The following PVT1 variants were observed in gnomAD, a reference collection of about 807,000 sequenced individuals.
PVT1 encodes the protein Pvt1 oncogene.
chr8:127,831,043 C>T (rs1018344716), intron 2 of PVT1, among the ~76,000 whole-genome samples: 1 of 101,184 alleles, frequency 9.9e-6, no homozygotes, highest in Non-Finnish European at 2.2e-5. Flanking sequence ...TATATACATA[C>T]GTGTGTGTGT....
chr8:127,821,639 T>C (rs767593902), intron 2 of PVT1, among the ~76,000 whole-genome samples: 1 of 151,914 alleles, frequency 6.6e-6, no homozygotes, highest in Non-Finnish European at 1.5e-5. Flanking sequence ...TGAAACCTCA[T>C]CTCTACTAAA....
intron 2 of PVT1, among the ~76,000 whole-genome samples, chr8:127,818,107 C>T (rs546303027): frequency 6.0e-4 from 91 of 152,190 alleles, no homozygotes; most frequent in African/African-American, 2.1e-3. Flanking sequence ...GATCATAGTC[C>T]GGCTGGATTG....
At chr8:128,095,382 G>C (rs1814414792) in intron 5 of PVT1, among the ~76,000 whole-genome samples, 1 of 152,172 alleles carries the variant, frequency 6.6e-6, no homozygotes, top group African/African-American at 2.4e-5. Flanking sequence ...CCAGCTTCTA[G>C]AACAGTGCCT....
At chr8:128,058,781 A>T (rs1246009704) in intron 4 of PVT1, among the ~76,000 whole-genome samples, 1 of 152,052 alleles carries the variant, frequency 6.6e-6, no homozygotes, top group African/African-American at 2.4e-5. Flanking sequence ...AAAAGTGGGG[A>T]CCAGTGTCTC....
chr8:127,958,070 C>T (rs1053318134), intron 3 of PVT1, among the ~76,000 whole-genome samples: 7 of 152,268 alleles, frequency 4.6e-5, no homozygotes, highest in Admixed American at 2.0e-4. Context: ...GAAGGGAACA[C>T]GGGCGTGGCA....
At chr8:128,011,397 G>T (rs187993535) in intron 4 of PVT1, among the ~76,000 whole-genome samples, 2 of 152,198 alleles carry the variant, frequency 1.3e-5, no homozygotes, top group African/African-American at 4.8e-5. Context: ...TGAGGGTGGG[G>T]CTCTCGTGAT....
chr8:127,821,627 G>A (rs575428144), intron 2 of PVT1, among the ~76,000 whole-genome samples: 9 of 152,036 alleles, frequency 5.9e-5, no homozygotes, highest in African/African-American at 1.9e-4. Context: ...TGGCTAACAC[G>A]GTGAAACCTC....
intron 3 of PVT1, among the ~76,000 whole-genome samples, chr8:127,959,769 G>A (rs780097497): frequency 1.4e-4 from 22 of 152,204 alleles, no homozygotes; most frequent in Admixed American, 9.8e-4. Context: ...AGAACAAACC[G>A]GTTAGGAAAT....
intron 4 of PVT1, among the ~76,000 whole-genome samples, chr8:128,017,757 A>T (rs1817390137): frequency 6.6e-6 from 1 of 152,060 alleles, no homozygotes; most frequent in Non-Finnish European, 1.5e-5. Flanking sequence ...TTTTAACATG[A>T]ATTAATAGGA....
chr8:127,832,763 C>T (rs563366906), intron 2 of PVT1, among the ~76,000 whole-genome samples: 2 of 152,092 alleles, frequency 1.3e-5, no homozygotes, highest in South Asian at 4.2e-4. Context: ...GAGGCTGAGG[C>T]AGGAGAATGG....
chr8:127,960,578 C>T (rs369271072), intron 3 of PVT1: 104 of 432,540 alleles, frequency 2.4e-4, no homozygotes, highest in Non-Finnish European at 4.1e-4. Context: ...TGGATGGATG[C>T]ACCACGATAG....
At chr8:128,013,153 C>T (rs80238116) in intron 4 of PVT1, among the ~76,000 whole-genome samples, 21,648 of 152,068 alleles carry the variant, frequency 0.14, 1,864 homozygotes, top group South Asian at 0.26. Flanking sequence ...TTTTTACTAG[C>T]TCTGTGACCT....
intron 4 of PVT1, among the ~76,000 whole-genome samples, chr8:128,027,962 C>T (rs764197993): frequency 2.6e-5 from 4 of 152,224 alleles, no homozygotes; most frequent in Non-Finnish European, 5.9e-5. Flanking sequence ...ATTTGGTCCC[C>T]TCCTGCAGGC....
intron 4 of PVT1, among the ~76,000 whole-genome samples, chr8:128,029,846 C>T (rs1198564578): frequency 4.6e-5 from 7 of 152,204 alleles, no homozygotes; most frequent in East Asian, 1.9e-4. Flanking sequence ...CTGTGGCTTG[C>T]GCCTCTAATC....
chr8:127,879,394 T>G (rs1196355501), intron 2 of PVT1, among the ~76,000 whole-genome samples: 1 of 152,172 alleles, frequency 6.6e-6, no homozygotes, highest in Admixed American at 6.5e-5. Context: ...CCGGGCGTGG[T>G]GGCAGGTGCC....
At chr8:127,923,233 C>A (rs1816086296) in intron 3 of PVT1, among the ~76,000 whole-genome samples, 1 of 152,220 alleles carries the variant, frequency 6.6e-6, no homozygotes, top group Admixed American at 6.5e-5. Flanking sequence ...GCGATGCTGG[C>A]TGCCTCAAAG....
At chr8:128,011,290 G>C (rs998519661) in intron 4 of PVT1, among the ~76,000 whole-genome samples, 2 of 152,088 alleles carry the variant, frequency 1.3e-5, no homozygotes, top group African/African-American at 4.8e-5. Flanking sequence ...GGACTGAACT[G>C]TTTTCCTTCT....
intron 4 of PVT1, among the ~76,000 whole-genome samples, chr8:128,036,632 C>A (rs16902579): frequency 0.037 from 5,581 of 152,258 alleles, 349 homozygotes; most frequent in African/African-American, 0.13. Flanking sequence ...CCTCCCGTCA[C>A]TGCAGTTCAC....
intron 2 of PVT1, among the ~76,000 whole-genome samples, chr8:127,798,243 G>T (rs1026542949): frequency 6.6e-6 from 1 of 151,872 alleles, no homozygotes; most frequent in Non-Finnish European, 1.5e-5. Context: ...GGCGGAGGTT[G>T]CCGGGAGCCG....
Sources: gnomAD v4.1 joint callset for allele counts (sites outside exome capture counted in the v4.1 genomes callset) on GRCh38, gnomAD v4.1.1 for gene constraint, MANE v1.5 for transcripts, NCBI Gene and HGNC (gene_info 2026-07-23, HGNC 2026-07-21) for gene names.